The following CPA6 variants were observed in gnomAD, a reference collection of about 807,000 sequenced individuals.
The protein encoded by CPA6 is carboxypeptidase A6, also known as carboxypeptidase B.
In CPA6, 58 loss-of-function variants were observed where a neutral mutation model predicts 63.3. That is an observed-to-expected ratio of 0.92 (90% confidence interval 0.74 to 1.14). The LOEUF is 1.14. Ranked by LOEUF, CPA6 falls within the 50% of genes most tolerant of loss-of-function variation. CPA6 has a pLI of 0.00. For missense variants in CPA6, 565 were observed against 526.6 expected (o/e 1.07, Z -0.71); for synonymous variants, 185 against 179.0 (o/e 1.03, Z -0.27).
At chr8:67,583,423 C>G (rs936116221) in intron 2 of CPA6, among the ~76,000 whole-genome samples, 1 of 151,804 alleles carries the variant, frequency 6.6e-6, no homozygotes, top group African/African-American at 2.4e-5. Context: ...ATAGATTTTT[C>G]TAGTCAAATT....
chr8:67,503,965 C>T (rs1033379174), intron 6 of CPA6, among the ~76,000 whole-genome samples: 1 of 146,312 alleles, frequency 6.8e-6, no homozygotes, highest in East Asian at 1.9e-4. Context: ...CATGTGTTCT[C>T]ATTGTTCAAC....
At chr8:67,424,611 A>T (rs1440832458) in intron 10 of CPA6, among the ~76,000 whole-genome samples, 1 of 152,128 alleles carries the variant, frequency 6.6e-6, no homozygotes, top group Non-Finnish European at 1.5e-5. Flanking sequence ...CACTTCCTTC[A>T]CATTATCCTA....
chr8:67,743,987 G>A (rs1817960070), intron 1 of CPA6, among the ~76,000 whole-genome samples: 1 of 152,200 alleles, frequency 6.6e-6, no homozygotes, highest in Admixed American at 6.5e-5. Flanking sequence ...CAAAAAAACT[G>A]CTAAATACTC....
intron 1 of CPA6, among the ~76,000 whole-genome samples, chr8:67,686,236 C>T (rs1174235873): frequency 1.3e-5 from 2 of 152,164 alleles, no homozygotes; most frequent in Non-Finnish European, 2.9e-5. Context: ...TAATTGCTGA[C>T]CTCTGTCATC....
chr8:67,635,581 A>G (rs1425555266), intron 1 of CPA6, among the ~76,000 whole-genome samples: 1 of 151,548 alleles, frequency 6.6e-6, no homozygotes, highest in Non-Finnish European at 1.5e-5. Context: ...CAGCCTGACC[A>G]ACATGGTGAA....
At chr8:67,658,460 G>T (rs1176187340) in intron 1 of CPA6, among the ~76,000 whole-genome samples, 1 of 151,982 alleles carries the variant, frequency 6.6e-6, no homozygotes, top group Admixed American at 6.6e-5. Context: ...ATCCTCCCCC[G>T]TACCCACCTC....
intron 1 of CPA6, among the ~76,000 whole-genome samples, chr8:67,673,336 T>C (rs1362502048): frequency 6.7e-6 from 1 of 149,416 alleles, no homozygotes; most frequent in African/African-American, 2.5e-5. Context: ...TGATTTTTAT[T>C]TTATAATCTC....
At chr8:67,729,667 G>T (rs1043078538) in intron 1 of CPA6, among the ~76,000 whole-genome samples, 1 of 152,208 alleles carries the variant, frequency 6.6e-6, no homozygotes, top group African/African-American at 2.4e-5. Flanking sequence ...GGAAGAAAAC[G>T]GTTACTAGTT....
chr8:67,660,321 G>GTT (rs1816079065), intron 1 of CPA6, among the ~76,000 whole-genome samples: 1 of 97,356 alleles, frequency 1.0e-5, no homozygotes, highest in Non-Finnish European at 1.9e-5. Context: ...AATTATTGCA[G>GTT]GTTTTTTTTT....
intron 2 of CPA6, among the ~76,000 whole-genome samples, chr8:67,550,095 G>A (rs1464598259): frequency 6.6e-6 from 1 of 152,034 alleles, no homozygotes; most frequent in Non-Finnish European, 1.5e-5. Flanking sequence ...TTGTTACCTG[G>A]GTATATGGTG....
chr8:67,731,353 C>T (rs1270787060), intron 1 of CPA6, among the ~76,000 whole-genome samples: 2 of 152,222 alleles, frequency 1.3e-5, no homozygotes, highest in South Asian at 2.1e-4. Flanking sequence ...CTTGGAGAGT[C>T]CCTTACTTTT....
intron 2 of CPA6, among the ~76,000 whole-genome samples, chr8:67,600,647 G>C (rs537532815): frequency 2.0e-5 from 3 of 152,144 alleles, no homozygotes; most frequent in Admixed American, 1.3e-4. Context: ...TTTTTAAAAA[G>C]AGCCATTTTC....
intron 2 of CPA6, among the ~76,000 whole-genome samples, chr8:67,555,734 G>A (rs1450896223): frequency 6.6e-6 from 1 of 152,148 alleles, no homozygotes; most frequent in Non-Finnish European, 1.5e-5. Flanking sequence ...AACTTGTGAG[G>A]TCTCTGCTAA....
chr8:67,558,053 C>G (rs561027818), intron 2 of CPA6, among the ~76,000 whole-genome samples: 1 of 152,296 alleles, frequency 6.6e-6, no homozygotes, highest in East Asian at 1.9e-4. Flanking sequence ...AGCTCTCAGA[C>G]TGCATATCTT....
At chr8:67,557,643 C>T (rs1477182934) in intron 2 of CPA6, among the ~76,000 whole-genome samples, 1 of 152,172 alleles carries the variant, frequency 6.6e-6, no homozygotes, top group Non-Finnish European at 1.5e-5. Flanking sequence ...CTGCTCAGAG[C>T]TCCTGGGGCA....
chr8:67,572,439 C>T (rs1257533031), intron 2 of CPA6, among the ~76,000 whole-genome samples: 1 of 152,134 alleles, frequency 6.6e-6, no homozygotes, highest in Non-Finnish European at 1.5e-5. Flanking sequence ...CCAGAATGCC[C>T]CTCAAGTTCC....
At chr8:67,655,827 C>G (rs917841611) in intron 1 of CPA6, among the ~76,000 whole-genome samples, 4 of 152,126 alleles carry the variant, frequency 2.6e-5, no homozygotes, top group Admixed American at 6.6e-5. Context: ...AGAGACATAA[C>G]ACTGAGGAGG....
intron 9 of CPA6, among the ~76,000 whole-genome samples, chr8:67,433,308 C>A (rs2128952150): frequency 6.6e-6 from 1 of 152,264 alleles, no homozygotes; most frequent in East Asian, 1.9e-4. Context: ...ATTAGTTTTT[C>A]TTGGTTTTTG....
chr8:67,599,339 G>C (rs1814432383), intron 2 of CPA6, among the ~76,000 whole-genome samples: 1 of 152,148 alleles, frequency 6.6e-6, no homozygotes, highest in African/African-American at 2.4e-5. Context: ...GACATGTTCT[G>C]TGTTCTGGAC....
Sources: gnomAD v4.1 joint callset for allele counts (sites outside exome capture counted in the v4.1 genomes callset) on GRCh38, gnomAD v4.1.1 for gene constraint, MANE v1.5 for transcripts, NCBI Gene and HGNC (gene_info 2026-07-23, HGNC 2026-07-21) for gene names.